CYFIP2: variants seen among roughly 807,000 people sequenced by gnomAD.
CYFIP2 encodes the protein cytoplasmic FMR1 interacting protein 2, also known as cytoplasmic FMR1-interacting protein 2.
A neutral mutation model predicts 158.7 loss-of-function variants in CYFIP2; 29 were observed. That is an observed-to-expected ratio of 0.18 (90% confidence interval 0.14 to 0.25). The LOEUF is 0.25. CYFIP2 is among the 10% of genes least tolerant of loss of function. The pLI is 1.00. For missense variants in CYFIP2, 852 were observed against 1,639.5 expected (o/e 0.52, Z 8.29); for synonymous variants, 585 against 617.6 (o/e 0.95, Z 0.78).
rs549721886 is a variant in CYFIP2 at position 157,293,597 on chromosome 5, A to G, written c.208-1186A>G. Among the ~76,000 whole-genome samples the G allele has an allele frequency of 2.0e-5, 3 of 152,340 alleles. No homozygotes were observed. In the South Asian group the frequency reaches 6.2e-4, roughly 32 times the overall value. ...ATGACTTTTTAAAAAGTGATGCAAAACAATCCAGCCTCACAGAGAGCTTGC... is the reference window on the plus strand; with the variant it reads ...ATGACTTTTTAAAAAGTGATGCAAAGCAATCCAGCCTCACAGAGAGCTTGC... On this transcript the variant is annotated intron_variant, in intron 3 of 30. Coordinates refer to ENST00000620254, the MANE Select transcript of CYFIP2 (RefSeq NM_001037333.3).
chr5:157,388,676 G>T (rs1001296889), intron 28 of CYFIP2, among the ~76,000 whole-genome samples: 1 of 152,164 alleles, frequency 6.6e-6, no homozygotes, highest in Non-Finnish European at 1.5e-5. Context: ...AATAGATCTA[G>T]ACTACTGGGT....
At chr5:157,376,343 G>A (rs911012287) in intron 26 of CYFIP2, 2 of 152,154 alleles carry the variant, frequency 1.3e-5, no homozygotes, top group African/African-American at 2.4e-5. Flanking sequence ...TCCACTAGAT[G>A]GTAAACTTCA....
chr5:157,304,141 G>C (rs1759014800), intron 7 of CYFIP2, 97 bp from the exon 8 acceptor site: 2 of 1,440,840 alleles, frequency 1.4e-6, no homozygotes, highest in Non-Finnish European at 1.9e-6. Context: ...GGCCATCAGC[G>C]GGGACCACAC....
At chr5:157,392,082 AAG>A (rs571308818) in intron 30 of CYFIP2, among the ~76,000 whole-genome samples, 310 of 152,288 alleles carry the variant, frequency 2.0e-3, no homozygotes, top group African/African-American at 7.2e-3. Context: ...ATGTCTATTC[AAG>A]TCCTTTGTCC....
At chr5:157,347,919 G>A (rs1033136418) in intron 23 of CYFIP2, among the ~76,000 whole-genome samples, 3 of 152,208 alleles carry the variant, frequency 2.0e-5, no homozygotes, top group Admixed American at 6.5e-5. Context: ...GGTTCATCCC[G>A]CTCCTCTGAG....
At position 157,357,735 on chromosome 5, in the gene CYFIP2, G is replaced by A. The variant is rs558071223; in HGVS notation, c.2674-1270G>A. The stretch of plus-strand genomic sequence containing the variant: ...AATCCCAACTACTTGGGAGGCTGAA[G>A]CAGGAGAATTGCTTGAACCCGAGGC... On this transcript the variant is annotated intron_variant, in intron 23 of 30. Transcript: ENST00000620254. Among the ~76,000 whole-genome samples, 284 of 152,218 alleles carry A rather than the reference G, an allele frequency of 1.9e-3. 1 individual carries two copies. Among genetic ancestry groups the A allele is most frequent in the African/African-American group, 6.6e-3 (272 of 41,524 alleles).
At chr5:157,348,188 G>A (rs1762826853) in intron 23 of CYFIP2, among the ~76,000 whole-genome samples, 1 of 152,262 alleles carries the variant, frequency 6.6e-6, no homozygotes, top group Admixed American at 6.5e-5. Flanking sequence ...CACCCTTCCT[G>A]AAGGTGGCAG....
chr5:157,359,284 A>C (rs1763633272), intron 24 of CYFIP2, 136 bp downstream of exon 24: 1 of 908,650 alleles, frequency 1.1e-6, no homozygotes. Flanking sequence ...CCACTCAAGG[A>C]GTTCCCTTGC....
At chr5:157,379,959 ATTAT>A (rs969162477) in intron 26 of CYFIP2, 8 of 152,198 alleles carry the variant, frequency 5.3e-5, no homozygotes, top group African/African-American at 1.9e-4. Context: ...AAATAATTTA[ATTAT>A]TTAAAGATAA....
intron 9 of CYFIP2, among the ~76,000 whole-genome samples, chr5:157,309,392 G>A (rs1759516697): frequency 6.6e-6 from 1 of 152,216 alleles, no homozygotes; most frequent in African/African-American, 2.4e-5. Flanking sequence ...TAACAGCAAG[G>A]ATGCTTTAAG....
intron 26 of CYFIP2, among the ~76,000 whole-genome samples, chr5:157,371,870 AG>A (rs1456036118): frequency 6.6e-6 from 1 of 152,214 alleles, no homozygotes; most frequent in Non-Finnish European, 1.5e-5. Context: ...GCAATTTTAC[AG>A]TAGACAGACT....
intron 9 of CYFIP2, among the ~76,000 whole-genome samples, chr5:157,309,160 A>G (rs1292827249): frequency 1.3e-5 from 2 of 152,156 alleles, no homozygotes; most frequent in East Asian, 1.9e-4. Flanking sequence ...TCACAGGGCT[A>G]TTGTGTGGCT....
intron 21 of CYFIP2, among the ~76,000 whole-genome samples, chr5:157,336,416 C>T (rs936671086): frequency 3.3e-5 from 5 of 152,222 alleles, no homozygotes; most frequent in Admixed American, 6.5e-5. Flanking sequence ...CAATGCCAGA[C>T]CAGCATTCCC....
chr5:157,361,372 C>T lies in CYFIP2; in HGVS notation c.2909-96C>T, dbSNP rs937150962. The T allele has an allele frequency of 2.6e-6, 4 of 1,548,946 alleles. No homozygotes were observed. Among genetic ancestry groups the T allele is most frequent in the Non-Finnish European group, 3.5e-6 (4 of 1,134,378 alleles). The stretch of plus-strand genomic sequence containing the variant: ...TGCGTGGTTTGGCTTTTTGCTATCC[C>T]AGAGTCAGGTCTGGGGCTGCCACTC... On this transcript the variant is annotated intron_variant, in intron 25 of 30. Transcript: ENST00000620254. This position sits in a 1 kb window ranked among gnomAD's most constrained non-coding sequence, Gnocchi z 4.4.
At chr5:157,322,348 G>A (rs182729314) in intron 15 of CYFIP2, among the ~76,000 whole-genome samples, 1 of 152,280 alleles carries the variant, frequency 6.6e-6, no homozygotes, top group African/African-American at 2.4e-5. Flanking sequence ...AGTAGACATG[G>A]GCATCTTGCA....
At chr5:157,377,130 C>T (rs1007694036) in intron 26 of CYFIP2, among the ~76,000 whole-genome samples, 4 of 151,708 alleles carry the variant, frequency 2.6e-5, no homozygotes, top group Non-Finnish European at 5.9e-5. Context: ...TTCCAACACC[C>T]CCTTTGCTCT....
At chr5:157,316,723 A>G (rs2113080000) in intron 13 of CYFIP2, among the ~76,000 whole-genome samples, 1 of 152,346 alleles carries the variant, frequency 6.6e-6, no homozygotes, top group African/African-American at 2.4e-5. Flanking sequence ...AATGGAGCTA[A>G]TCAACCTTCC....
intron 15 of CYFIP2, among the ~76,000 whole-genome samples, chr5:157,322,687 C>G (rs1760695420): frequency 6.6e-6 from 1 of 152,210 alleles, no homozygotes; most frequent in Non-Finnish European, 1.5e-5. Flanking sequence ...TCACACGTTT[C>G]TGTGGCTGCT....
In CYFIP2 at chr5:157,382,778, C is replaced by T; in HGVS notation, c.3112+116C>T. The T allele has an allele frequency of 3.8e-6, 4 of 1,042,532 alleles. No homozygotes were observed. In the East Asian group the frequency reaches 1.0e-4, roughly 27 times the overall value. 64.6% of individuals were successfully genotyped at this position (1,042,532 alleles called of 1,614,324 possible). A position where few individuals can be genotyped will look rare whatever the true frequency, so the allele number is the denominator to read the frequency against. On this transcript the variant is annotated intron_variant, in intron 27 of 30. Coordinates refer to ENST00000620254, the MANE Select transcript of CYFIP2 (RefSeq NM_001037333.3). Reference sequence around the variant, plus strand: ...AGGGGGAAGGTTAAAGCTTTGGACACCTATTGAATAGCCACAGAATCACAA... The same window carrying T: ...AGGGGGAAGGTTAAAGCTTTGGACATCTATTGAATAGCCACAGAATCACAA...
Sources: gnomAD v4.1 joint callset for allele counts (sites outside exome capture counted in the v4.1 genomes callset) on GRCh38, gnomAD v4.1.1 for gene constraint, Gnocchi (gnomAD v3.1) non-coding constraint, MANE v1.5 for transcripts, NCBI Gene and HGNC (gene_info 2026-07-23, HGNC 2026-07-21) for gene names.